KCNMA1: variants seen among roughly 807,000 people sequenced by gnomAD.
KCNMA1 encodes Calcium-activated potassium channel subunit alpha-1.
A neutral mutation model predicts 140.0 loss-of-function variants in KCNMA1; 29 were observed. The ratio of observed to expected loss-of-function variants is 0.21; its 90% CI spans 0.15 to 0.28. KCNMA1 has a LOEUF of 0.28. KCNMA1 is among the 10% of genes least tolerant of loss of function. The pLI is 1.00. For synonymous variants in KCNMA1, 612 were observed against 611.9 expected, an observed-to-expected ratio of 1.00 and a Z score of 0.00; for missense variants, 880 against 1,602.2, an observed-to-expected ratio of 0.55 and a Z score of 7.70.
chr10:76,908,160 C>A (rs2048562870), intron 25 of KCNMA1, among the ~76,000 whole-genome samples: 1 of 152,170 alleles, frequency 6.6e-6, no homozygotes, highest in Non-Finnish European at 1.5e-5. Flanking sequence ...ACTGGATTTG[C>A]AGAATATGAG....
intron 6 of KCNMA1, among the ~76,000 whole-genome samples, chr10:77,114,268 T>C (rs150956211): frequency 2.6e-5 from 4 of 152,318 alleles, no homozygotes; most frequent in Admixed American, 2.0e-4. Context: ...GCCTTGTCTG[T>C]CTGGATTCCA....
chr10:77,491,979 T>C (rs2040095974), intron 1 of KCNMA1, among the ~76,000 whole-genome samples: 1 of 152,112 alleles, frequency 6.6e-6, no homozygotes, highest in African/African-American at 2.4e-5. Context: ...CAAGCCCAAT[T>C]CAAATGGAGG....
chr10:76,875,637 T>G (rs1172280456), downstream of KCNMA1: 1 of 151,986 alleles, frequency 6.6e-6, no homozygotes, highest in African/African-American at 2.4e-5. Context: ...TCTAACAAAT[T>G]TGGAGGTGGT....
chr10:77,557,065 T>C (rs1300655905), intron 1 of KCNMA1, among the ~76,000 whole-genome samples: 4 of 152,190 alleles, frequency 2.6e-5, no homozygotes, highest in Non-Finnish European at 5.9e-5. Flanking sequence ...AAAAGATAGA[T>C]GTGACATCCA....
chr10:77,607,612 G>A (rs954072601), intron 1 of KCNMA1, among the ~76,000 whole-genome samples: 7 of 152,158 alleles, frequency 4.6e-5, no homozygotes, highest in African/African-American at 1.7e-4. Context: ...TGGAAACTGA[G>A]ATGGAGCAAT....
chr10:77,194,956 A>C (rs1421294769), intron 3 of KCNMA1, among the ~76,000 whole-genome samples: 1 of 152,240 alleles, frequency 6.6e-6, no homozygotes, highest in East Asian at 1.9e-4. Context: ...CAGCTTGTTT[A>C]AAGTTACACA....
Position 77,142,872 on chromosome 10 carries a change from A to G in KCNMA1, c.809-21824T>C, listed in dbSNP as rs1011016600. Among the ~76,000 whole-genome samples, 3 of 152,260 alleles carry G rather than the reference A, an allele frequency of 2.0e-5. No homozygotes were observed. The South Asian group carries it at 6.2e-4, about 31-fold the overall frequency. On this transcript the variant is annotated intron_variant, in intron 5 of 27. Coordinates refer to ENST00000286628, the MANE Select transcript of KCNMA1 (RefSeq NM_001161352.2). ...AATACAATTTTCTCCAACTGACACAAGAAAAAATAGAAAATGTAAACAGCT... is the reference window on the plus strand; with the variant it reads ...AATACAATTTTCTCCAACTGACACAGGAAAAAATAGAAAATGTAAACAGCT...
chr10:77,244,287 G>C (rs1163194162), intron 3 of KCNMA1, among the ~76,000 whole-genome samples: 5 of 152,178 alleles, frequency 3.3e-5, no homozygotes, highest in Non-Finnish European at 7.3e-5. Context: ...GGGATCCAAT[G>C]CCTCTTTGAC....
intron 1 of KCNMA1, among the ~76,000 whole-genome samples, chr10:77,602,572 G>A (rs559843069): frequency 7.3e-4 from 111 of 152,238 alleles, no homozygotes; most frequent in Non-Finnish European, 1.2e-3. Flanking sequence ...AATAAAGCTC[G>A]GTTTTTAAAA....
At chr10:77,542,160 C>A (rs1253588829) in intron 1 of KCNMA1, among the ~76,000 whole-genome samples, 1 of 152,170 alleles carries the variant, frequency 6.6e-6, no homozygotes, top group Non-Finnish European at 1.5e-5. Context: ...TGGGCTCTTA[C>A]CAAAAACCAC....
intron 2 of KCNMA1, among the ~76,000 whole-genome samples, chr10:77,368,782 A>C (rs1290310366): frequency 6.6e-6 from 1 of 152,196 alleles, no homozygotes; most frequent in Non-Finnish European, 1.5e-5. Flanking sequence ...TTCCAAGACC[A>C]TTGTAGAAAA....
chr10:77,024,482 G>A (rs935052271), intron 16 of KCNMA1, among the ~76,000 whole-genome samples: 2 of 152,000 alleles, frequency 1.3e-5, no homozygotes, highest in African/African-American at 4.8e-5. Context: ...TGAACAAGTA[G>A]GCATCTCAAC....
intron 5 of KCNMA1, among the ~76,000 whole-genome samples, chr10:77,125,305 C>T (rs181776805): frequency 1.3e-5 from 2 of 152,310 alleles, no homozygotes; most frequent in East Asian, 1.9e-4. Context: ...AACACCATCC[C>T]ACCACCAGCA....
intron 18 of KCNMA1, chr10:77,008,074 T>C: frequency 2.7e-6 from 3 of 1,107,104 alleles, no homozygotes; most frequent in Non-Finnish European, 3.9e-6. Context: ...GCAACATAAA[T>C]ACCAAAAGTA....
chr10:77,117,854 T>C (rs779204502), intron 6 of KCNMA1, among the ~76,000 whole-genome samples: 1 of 152,030 alleles, frequency 6.6e-6, no homozygotes, highest in Non-Finnish European at 1.5e-5. Context: ...GGCTATGGAG[T>C]ATTCTAGGCC....
chr10:77,555,924 A>G (rs532952938), intron 1 of KCNMA1, among the ~76,000 whole-genome samples: 9 of 152,306 alleles, frequency 5.9e-5, no homozygotes, highest in African/African-American at 1.9e-4. Flanking sequence ...GATCGTCACT[A>G]CCTGAGAATT....
At chr10:77,559,053 T>C (rs1379054352) in intron 1 of KCNMA1, among the ~76,000 whole-genome samples, 1 of 152,164 alleles carries the variant, frequency 6.6e-6, no homozygotes, top group East Asian at 1.9e-4. Flanking sequence ...TCACTCTCCG[T>C]GTCCTGGTCA....
At chr10:76,941,166 A>C in intron 23 of KCNMA1, among the ~76,000 whole-genome samples, 3 of 102,166 alleles carry the variant, frequency 2.9e-5, no homozygotes, top group East Asian at 7.6e-4. Context: ...AGGGAAGGGA[A>C]GGAAGGAAGG....
At chr10:77,572,449 T>G (rs1330497910) in intron 1 of KCNMA1, among the ~76,000 whole-genome samples, 1 of 149,726 alleles carries the variant, frequency 6.7e-6, no homozygotes, top group Non-Finnish European at 1.5e-5. Flanking sequence ...CAAAAAAAAA[T>G]TCATTGATTA....
Sources: allele counts gnomAD v4.1 joint callset (sites outside exome capture counted in the v4.1 genomes callset), GRCh38; gene constraint gnomAD v4.1.1; transcripts MANE v1.5; gene names NCBI Gene and HGNC (gene_info 2026-07-23, HGNC 2026-07-21).